The following LY75 variants were observed in gnomAD, a reference collection of about 807,000 sequenced individuals.
LY75 encodes lymphocyte antigen 75.
In LY75, 185 loss-of-function variants were observed where a neutral mutation model predicts 231.7. The observed-to-expected ratio is 0.80, with a 90% CI of 0.71 to 0.90. The LOEUF (loss-of-function observed/expected upper bound fraction) is 0.90. LY75 is among the 40% of genes least tolerant of loss of function. The probability of loss-of-function intolerance (pLI) is 0.00; values close to 1 mark genes in which losing one functional copy is unlikely to be tolerated. For synonymous variants in LY75, 668 were observed against 689.0 expected (o/e 0.97, Z 0.48); for missense variants, 1,947 against 2,050.2 (o/e 0.95, Z 0.97).
intron 31 of LY75, 36 bp from the exon 32 acceptor site, chr2:159,810,711 G>A: frequency 6.3e-7 from 1 of 1,590,748 alleles, no homozygotes; most frequent in Non-Finnish European, 8.5e-7. Flanking sequence ...AACAATGCAT[G>A]GAAAAAAAAG....
Position 159,875,614 on chromosome 2 carries a change from T to C in LY75, c.1804A>G (p.Thr602Ala), listed in dbSNP as rs756941905. ...TCCCACTTTCCAACAGACTTTCCAGTAGACATAGCCACGCAGCCGCCCGGG... is the reference window on the plus strand; with the variant it reads ...TCCCACTTTCCAACAGACTTTCCAGCAGACATAGCCACGCAGCCGCCCGGG... Reference protein sequence around the residue: ...ASPGGCVAMSTGKSVGKWEVK... With the variant: ...ASPGGCVAMSAGKSVGKWEVK... Residue 602 changes from threonine (T) to alanine (A), a missense_variant, in exon 12 of 35, where the codon ACT (threonine) becomes GCT (alanine). By Grantham distance (58) the Thr-to-Ala change is moderately conservative. Coordinates refer to ENST00000263636, the MANE Select transcript of LY75 (RefSeq NM_002349.4). 2 of 1,613,814 alleles carry C rather than the reference T, an allele frequency of 1.2e-6. No individual in the cohort carries two copies. The highest frequency in any genetic ancestry group is 1.7e-6 in the Non-Finnish European group (2 of 1,179,968).
intron 28 of LY75, among the ~76,000 whole-genome samples, chr2:159,825,445 C>T (rs1327783997): frequency 6.6e-6 from 1 of 152,176 alleles, no homozygotes; most frequent in Non-Finnish European, 1.5e-5. Flanking sequence ...ATAACAAGTT[C>T]TGAAATTTAG....
At chr2:159,903,820 G>T (rs746226218) in intron 1 of LY75, among the ~76,000 whole-genome samples, 37 of 152,170 alleles carry the variant, frequency 2.4e-4, no homozygotes, top group Non-Finnish European at 3.4e-4. Context: ...GCCAAGGGGT[G>T]TGGTGTGGTG....
chr2:159,897,267 T>C (rs768513665), intron 2 of LY75, among the ~76,000 whole-genome samples: 2 of 152,164 alleles, frequency 1.3e-5, no homozygotes, highest in Non-Finnish European at 2.9e-5. Flanking sequence ...CCTGGACAAA[T>C]ACAATGAAAC....
chr2:159,850,786 ATAT>A (rs1684366883), intron 21 of LY75, among the ~76,000 whole-genome samples: 5 of 108,128 alleles, frequency 4.6e-5, no homozygotes, highest in African/African-American at 1.0e-4. Flanking sequence ...ATATATATAT[ATAT>A]ATATATATAT....
chr2:159,841,661 T>C (rs1684031222), intron 24 of LY75, among the ~76,000 whole-genome samples: 1 of 152,198 alleles, frequency 6.6e-6, no homozygotes, highest in South Asian at 2.1e-4. Flanking sequence ...GATCTGTTTA[T>C]AATGTTTCAA....
At chr2:159,876,181 T>C (rs532653139) in intron 11 of LY75, among the ~76,000 whole-genome samples, 8 of 152,320 alleles carry the variant, frequency 5.3e-5, no homozygotes, top group African/African-American at 1.9e-4. Context: ...CATAATTTTA[T>C]GTATTCATAA....
In LY75 at chr2:159,874,574, G is replaced by GA. The variant is rs1560093697; in HGVS notation, c.1974+869_1974+870insT. Among the ~76,000 whole-genome samples, 42 of 9,910 alleles carry GA rather than the reference G, an allele frequency of 4.2e-3. 6 individuals carry two copies. The highest frequency in any genetic ancestry group is 0.026 in the African/African-American group (40 of 1,556). The allele number at this position is 9,910 out of a possible 152,430, so 6.5% of individuals were successfully genotyped here. On this transcript the variant is annotated intron_variant, in intron 12 of 34. Transcript: ENST00000263636. ...ATATTTTGTAAATCTATATAAATAT[G>GA]TACATATTTTGTAAATATATATAAA...
At chr2:159,865,692 GA>G (rs1290178536) in intron 13 of LY75, among the ~76,000 whole-genome samples, 1 of 152,164 alleles carries the variant, frequency 6.6e-6, no homozygotes, top group Non-Finnish European at 1.5e-5. Flanking sequence ...AGAAAATGAA[GA>G]AAGACTTTGT....
At chr2:159,833,764 G>C (rs1374249531) in intron 27 of LY75, among the ~76,000 whole-genome samples, 1 of 152,192 alleles carries the variant, frequency 6.6e-6, no homozygotes, top group Non-Finnish European at 1.5e-5. Context: ...GACCTGGTGG[G>C]AGGTAATTGA....
At position 159,834,133 on chromosome 2, in the gene LY75, A is replaced by G. The variant is rs2125842839; in HGVS notation, c.3752T>C (p.Phe1251Ser). 6.2e-7 allele frequency: 1 copy of G among 1,614,046 alleles called. No individual in the cohort carries two copies. The highest frequency in any genetic ancestry group is 2.2e-5 in the East Asian group (1 of 44,858). ...SPVLNTPWIP[F>S]QNCCYNFIIT... ...TATGAAATTGTAGCAACAGTTCTGA[A>G]ATGGTATCCACGGAGTATTTAGAAC... Residue 1251 changes from phenylalanine (F) to serine (S), a missense_variant, in exon 27 of 35, where the codon TTT becomes TCT. Phe to Ser is a radical substitution (Grantham distance 155). Transcript: ENST00000263636.
At chr2:159,807,290 A>T in intron 33 of LY75, 150 bp from the exon 34 acceptor site, 1 of 990,054 alleles carries the variant, frequency 1.0e-6, no homozygotes, top group South Asian at 2.0e-5. Flanking sequence ...AAATAAAATC[A>T]GTTCTTCAGT....
rs770466502 is a variant in LY75, at chr2:159,807,136, C to G, written c.4827G>C (p.Gln1609His). 6.2e-7 allele frequency: 1 copy of G among 1,610,266 alleles called. No homozygotes were observed. The highest frequency in any genetic ancestry group is 1.1e-5 in the South Asian group (1 of 90,348). ...WLGLSQHSVDQSWSWLDGSEV... is the reference protein window; with the variant it reads ...WLGLSQHSVDHSWSWLDGSEV... The stretch of plus-strand genomic sequence containing the variant: ...CTGATCCATCTAACCAACTCCAAGA[C>G]TGGTCTGAAGAAAGAAATTAAATAC... Residue 1609 changes from glutamine to histidine, a missense_variant, in exon 34 of 35, where the codon CAG (glutamine) becomes CAC (histidine). By Grantham distance (24) the Gln-to-His change is conservative. Coordinates refer to ENST00000263636, the MANE Select transcript of LY75 (RefSeq NM_002349.4).
chr2:159,850,592 G>A (rs1684356471), intron 21 of LY75, 125 bp from the exon 22 acceptor site: 1 of 1,176,962 alleles, frequency 8.5e-7, no homozygotes, highest in Non-Finnish European at 1.2e-6. Flanking sequence ...AATTTGCAAT[G>A]TAGTACCATA....
intron 28 of LY75, among the ~76,000 whole-genome samples, chr2:159,827,183 T>TGA (rs923824873): frequency 1.2e-4 from 19 of 152,026 alleles, no homozygotes; most frequent in African/African-American, 4.1e-4. Context: ...ACATACAAAA[T>TGA]GAGAGAAAAT....
In LY75 at chr2:159,898,793, A is replaced by T. The variant is rs747892869; in HGVS notation, c.361T>A (p.Tyr121Asn). ...EHHSLYGAAR[Y>N]RLALKDGHGT... is the part of the protein sequence containing the mutation. ...TGTCCATCCTTCAGAGCCAGCCGGTACCGGGCAGCTCCGTACAGAGAGTGG... is the reference window on the plus strand; with the variant it reads ...TGTCCATCCTTCAGAGCCAGCCGGTTCCGGGCAGCTCCGTACAGAGAGTGG... Residue 121 changes from tyrosine (Y) to asparagine (N), a missense_variant, in exon 2 of 35, where the codon TAC (tyrosine) becomes AAC (asparagine). Coordinates refer to ENST00000263636, the MANE Select transcript of LY75 (RefSeq NM_002349.4). 12 of 1,614,116 alleles carry T rather than the reference A, an allele frequency of 7.4e-6. No homozygotes were observed. The East Asian group carries it at 2.4e-4, about 33-fold the overall frequency.
rs966011949 is a variant in LY75 at position 159,833,981 on chromosome 2, T to G, written c.3841+63A>C. 6 of 1,539,170 alleles carry G rather than the reference T, an allele frequency of 3.9e-6. No individual in the cohort carries two copies. In the African/African-American group the frequency reaches 8.4e-5, roughly 21 times the overall value. On this transcript the variant is annotated intron_variant, in intron 27 of 34. Coordinates refer to ENST00000263636, the MANE Select transcript of LY75 (RefSeq NM_002349.4). ...AGGCCATTAAACCTCTTTTTCTTTA[T>G]AAATTACCTAGCCTCGGGTATGTCC...
At chr2:159,811,597 A>C (rs2729726) in intron 31 of LY75, among the ~76,000 whole-genome samples, 61,956 of 152,082 alleles carry the variant, frequency 0.41, 13,285 homozygotes, top group African/African-American at 0.53. Flanking sequence ...TATGTCCTTC[A>C]GTAAGTAAAG....
At chr2:159,836,847 T>G (rs186715199) in intron 25 of LY75, among the ~76,000 whole-genome samples, 1 of 152,348 alleles carries the variant, frequency 6.6e-6, no homozygotes, top group African/African-American at 2.4e-5. Context: ...TTCTTCCCCT[T>G]TGCTGCACTC....
Sources: allele counts gnomAD v4.1 joint callset (sites outside exome capture counted in the v4.1 genomes callset), GRCh38; gene constraint gnomAD v4.1.1; transcripts MANE v1.5; gene names NCBI Gene and HGNC (gene_info 2026-07-23, HGNC 2026-07-21).